EVC2: variants seen among roughly 807,000 people sequenced by gnomAD.
EVC2 encodes limbin.
In EVC2, 148 loss-of-function variants were observed where a neutral mutation model predicts 149.3. That is an observed-to-expected ratio of 0.99 (90% CI 0.87 to 1.14). The LOEUF is 1.14. Among genes scored for constraint, EVC2 ranks in the 50% most tolerant of loss-of-function variants. The pLI is 0.00. For missense variants in EVC2, 1,854 were observed against 1,627.3 expected, an observed-to-expected ratio of 1.14 and a Z score of -2.40; for synonymous variants, 776 against 649.9, an observed-to-expected ratio of 1.19 and a Z score of -2.95.
intron 9 of EVC2, among the ~76,000 whole-genome samples, chr4:5,644,226 T>C (rs921751957): frequency 6.6e-6 from 1 of 152,228 alleles, no homozygotes; most frequent in Admixed American, 6.5e-5. Context: ...AAGATCTTCA[T>C]TCAATTTGTT....
intron 17 of EVC2, among the ~76,000 whole-genome samples, chr4:5,579,845 A>G (rs1263069608): frequency 6.6e-6 from 1 of 152,194 alleles, no homozygotes; most frequent in African/African-American, 2.4e-5. Context: ...AAAACAATAA[A>G]CAAAGAAGAA....
chr4:5,652,748 G>A (rs1718235614), intron 9 of EVC2, among the ~76,000 whole-genome samples: 1 of 152,166 alleles, frequency 6.6e-6, no homozygotes, highest in African/African-American at 2.4e-5. Flanking sequence ...CTGTCCTGCA[G>A]AAGTTCTCAA....
intron 1 of EVC2, among the ~76,000 whole-genome samples, chr4:5,700,982 G>A (rs756874369): frequency 2.0e-5 from 3 of 152,230 alleles, no homozygotes; most frequent in Non-Finnish European, 1.5e-5. Flanking sequence ...GATAGTTCTA[G>A]AAGTCAGAAG....
chr4:5,610,368 C>G (rs563308510), intron 16 of EVC2, among the ~76,000 whole-genome samples: 11 of 152,210 alleles, frequency 7.2e-5, no homozygotes, highest in African/African-American at 2.6e-4. Flanking sequence ...TATTAAAATG[C>G]CATCACATTT....
the EVC2 span, among the ~76,000 whole-genome samples, chr4:5,535,537 A>G: frequency 6.6e-6 from 1 of 151,794 alleles, no homozygotes; most frequent in Non-Finnish European, 1.5e-5. This position sits in a 1 kb window ranked among gnomAD's most constrained non-coding sequence, Gnocchi z 4.7. Flanking sequence ...TATTTCACAC[A>G]GTTCTGGAGA....
intron 19 of EVC2, among the ~76,000 whole-genome samples, chr4:5,570,319 T>C (rs529274980): frequency 1.3e-5 from 2 of 152,208 alleles, no homozygotes; most frequent in Non-Finnish European, 2.9e-5. Context: ...ATAGCTGGGA[T>C]CCCACCAGTC....
chr4:5,637,644 T>C lies in EVC2; in HGVS notation c.1470+2870A>G, dbSNP rs191018968. On this transcript the variant is annotated intron_variant, in intron 10 of 21. Coordinates refer to ENST00000344408, the MANE Select transcript of EVC2 (RefSeq NM_147127.5). The surrounding 1 kb of genome is among the most constrained non-coding windows in gnomAD (Gnocchi z 4.4). ...CTGCATAATCCTTACTTTATAAAAA[T>C]AAATGGATAAAGCAAAAGGCTAAAA... 1.0e-3 allele frequency among the ~76,000 whole-genome samples: 156 copies of C among 152,190 alleles called. 1 individual carries two copies. The highest frequency in any genetic ancestry group is 1.2e-3 in the Admixed American group (19 of 15,284).
In EVC2 at chr4:5,562,560, G is replaced by C. The variant is rs1308339212; in HGVS notation, c.*288C>G. 1 of 1,326,316 alleles carries C rather than the reference G, an allele frequency of 7.5e-7. No homozygotes were observed. Among genetic ancestry groups the C allele is most frequent in the African/African-American group, 1.5e-5 (1 of 67,612 alleles). 82.2% of individuals were successfully genotyped at this position (1,326,316 alleles called of 1,614,324 possible). On this transcript the variant is annotated 3_prime_UTR_variant, in exon 22 of 22. Coordinates refer to ENST00000344408, the MANE Select transcript of EVC2 (RefSeq NM_147127.5). The surrounding 1 kb of genome is among the most constrained non-coding windows in gnomAD (Gnocchi z 4.3). ...CACAGACCATAGCTTCTGCAGCAGA[G>C]GATGGGGTGTGGATTGCAGGGTGGG... is the stretch of plus-strand genomic sequence containing the variant.
the EVC2 span, among the ~76,000 whole-genome samples, chr4:5,533,415 G>A: frequency 6.6e-6 from 1 of 152,168 alleles, no homozygotes; most frequent in African/African-American, 2.4e-5. Context: ...AGTGGGGGGT[G>A]GAGTGGGAGG....
intron 1 of EVC2, 38 bp downstream of exon 1, chr4:5,708,248 T>C: frequency 6.9e-7 from 1 of 1,454,464 alleles, no homozygotes. Flanking sequence ...GTCAAACCAC[T>C]ACAGTCAGAC....
At chr4:5,542,046 A>C (rs1276679219), downstream of EVC2, among the ~76,000 whole-genome samples, 1 of 152,146 alleles carries the variant, frequency 6.6e-6, no homozygotes, top group Non-Finnish European at 1.5e-5. Flanking sequence ...TTATAAGAAG[A>C]AGCCAGAGAG....
intron 9 of EVC2, among the ~76,000 whole-genome samples, chr4:5,643,818 G>A (rs996131238): frequency 6.6e-6 from 1 of 152,110 alleles, no homozygotes; most frequent in African/African-American, 2.4e-5. Flanking sequence ...CTACTCGGGT[G>A]GCTGAGGCGG....
At chr4:5,598,643 C>A (rs1181698770) in intron 16 of EVC2, among the ~76,000 whole-genome samples, 1 of 152,108 alleles carries the variant, frequency 6.6e-6, no homozygotes, top group Non-Finnish European at 1.5e-5. Flanking sequence ...CATTACCATT[C>A]AGGACATAGG....
chr4:5,552,152 G>A (rs931326262), intron 21 of EVC2, among the ~76,000 whole-genome samples: 1 of 152,082 alleles, frequency 6.6e-6, no homozygotes, highest in Non-Finnish European at 1.5e-5. Context: ...TAACTTCTCA[G>A]TGTTTTGTTA....
Position 5,706,329 on chromosome 4 carries a change from G to C in EVC2, c.228+1957C>G, listed in dbSNP as rs4689280. 1.6e-3 allele frequency among the ~76,000 whole-genome samples: 136 copies of C among 86,880 alleles called. 7 individuals carry two copies. The highest frequency in any genetic ancestry group is 2.6e-3 in the Non-Finnish European group (109 of 41,592). 57.0% of individuals were successfully genotyped at this position (86,880 alleles called of 152,430 possible). A position where few individuals can be genotyped will look rare whatever the true frequency, so the allele number is the denominator to read the frequency against. Reference sequence around the variant, plus strand: ...ACATAGATAGATAGATACATAGATAGATAGATAGATACATAGATAGATAGA... The same window carrying C: ...ACATAGATAGATAGATACATAGATACATAGATAGATACATAGATAGATAGA... On this transcript the variant is annotated intron_variant, in intron 1 of 21. Coordinates refer to ENST00000344408, the MANE Select transcript of EVC2 (RefSeq NM_147127.5).
chr4:5,600,505 A>G (rs1230624893), intron 16 of EVC2, among the ~76,000 whole-genome samples: 1 of 152,202 alleles, frequency 6.6e-6, no homozygotes, highest in Non-Finnish European at 1.5e-5. Flanking sequence ...AATTTTTAAG[A>G]TGCAGCCAGT....
chr4:5,655,724 C>T lies in EVC2; in HGVS notation c.1145+7383G>A, dbSNP rs1264977275. On this transcript the variant is annotated intron_variant, in intron 9 of 21. Transcript: ENST00000344408. ...CCTGGCATGGACCAAATACTTAATC[C>T]ACATGTAAAAAAAAAAAATGGAAGG... is the stretch of plus-strand genomic sequence containing the variant. Among the ~76,000 whole-genome samples the T allele has an allele frequency of 2.4e-5, 3 of 125,824 alleles. No individual in the cohort carries two copies. In the Admixed American group the frequency reaches 2.7e-4, roughly 11 times the overall value. The allele number at this position is 125,824 out of a possible 152,430, so 82.5% of individuals were successfully genotyped here. A position where few individuals can be genotyped will look rare whatever the true frequency, so the allele number is the denominator to read the frequency against.
chr4:5,635,823 G>T (rs982551116), intron 10 of EVC2, among the ~76,000 whole-genome samples: 1 of 152,170 alleles, frequency 6.6e-6, no homozygotes, highest in African/African-American at 2.4e-5. Flanking sequence ...GAAAAGCAGC[G>T]GGGAGAGCCT....
chr4:5,661,535 C>A (rs888829146), intron 9 of EVC2, among the ~76,000 whole-genome samples: 2 of 152,164 alleles, frequency 1.3e-5, no homozygotes, highest in African/African-American at 4.8e-5. Flanking sequence ...ATAATAACGT[C>A]TTCAGTCAGA....
Sources: gnomAD v4.1 joint callset for allele counts (sites outside exome capture counted in the v4.1 genomes callset) on GRCh38, gnomAD v4.1.1 for gene constraint, Gnocchi (gnomAD v3.1) non-coding constraint, MANE v1.5 for transcripts, NCBI Gene and HGNC (gene_info 2026-07-23, HGNC 2026-07-21) for gene names.